Variants in MAP2K5 observed in about 807,000 individuals in gnomAD.
The protein encoded by MAP2K5 is dual specificity mitogen-activated protein kinase kinase 5.
In MAP2K5, 49 loss-of-function variants were observed where a neutral mutation model predicts 83.1. That is an observed-to-expected ratio of 0.59 (90% CI 0.47 to 0.75). MAP2K5 has a LOEUF of 0.75. Among genes scored for constraint, MAP2K5 ranks in the 30% least tolerant of loss-of-function variants. MAP2K5 has a pLI of 0.00. For missense variants in MAP2K5, 457 were observed against 557.5 expected, an observed-to-expected ratio of 0.82 and a Z score of 1.82; for synonymous variants, 202 against 191.8, an observed-to-expected ratio of 1.05 and a Z score of -0.44.
intron 11 of MAP2K5, among the ~76,000 whole-genome samples, chr15:67,653,530 A>G (rs905494743): frequency 4.6e-5 from 7 of 152,116 alleles, no homozygotes; most frequent in Admixed American, 6.5e-5. Flanking sequence ...TCCTGACCTC[A>G]GGTGATCCAC....
Position 67,644,229 on chromosome 15 carries a change from G to C in MAP2K5, c.586-2002G>C, listed in dbSNP as rs920622987. ...GCCAACATGGTGAAACCCTGTCTGC[G>C]CTAAAAATAGAAAAATCAACCGGGT... On this transcript the variant is annotated intron_variant, in intron 9 of 21. Coordinates refer to ENST00000178640, the MANE Select transcript of MAP2K5 (RefSeq NM_145160.3). The surrounding 1 kb of genome is among the most constrained non-coding windows in gnomAD (Gnocchi z 4.6). Among the ~76,000 whole-genome samples, 2 of 151,926 alleles carry C rather than the reference G, an allele frequency of 1.3e-5. No individual in the cohort carries two copies. The highest frequency in any genetic ancestry group is 4.8e-5 in the African/African-American group (2 of 41,356).
At position 67,563,183 on chromosome 15, in the gene MAP2K5, G is replaced by C. The variant is rs976860000; in HGVS notation, c.185-100G>C. On this transcript the variant is annotated intron_variant, in intron 2 of 21. Transcript: ENST00000178640. This position sits in a 1 kb window ranked among gnomAD's most constrained non-coding sequence, Gnocchi z 4.5. ...ACATACCCCCAAAATGTGGTGTTGAGGGTTAGAATATCACATTGTAATAAA... is the reference window on the plus strand; with the variant it reads ...ACATACCCCCAAAATGTGGTGTTGACGGTTAGAATATCACATTGTAATAAA... 1.2e-5 allele frequency: 16 copies of C among 1,324,382 alleles called. No homozygotes were observed. The highest frequency in any genetic ancestry group is 1.6e-5 in the Non-Finnish European group (16 of 998,066). The allele number at this position is 1,324,382 out of a possible 1,614,324, so 82.0% of individuals were successfully genotyped here. A position where few individuals can be genotyped will look rare whatever the true frequency, so the allele number is the denominator to read the frequency against.
chr15:67,546,415 G>A (rs2084390028), intron 1 of MAP2K5: 1 of 172,242 alleles, frequency 5.8e-6, no homozygotes, highest in African/African-American at 2.4e-5. Context: ...TAGTCACCGA[G>A]TCAGCCATAA....
At position 67,774,055 on chromosome 15, in the gene MAP2K5, A is replaced by G. The variant is rs976051489; in HGVS notation, c.1242+1303A>G. 2.6e-5 allele frequency among the ~76,000 whole-genome samples: 4 copies of G among 152,166 alleles called. No individual in the cohort carries two copies. Among genetic ancestry groups the G allele is most frequent in the Non-Finnish European group, 5.9e-5 (4 of 68,028 alleles). ...CTGCAGATCACACATACGCCCATAA[A>G]TGTATATGGATGTATATGTTGGTAA... On this transcript the variant is annotated intron_variant, in intron 21 of 21. Transcript: ENST00000178640. The surrounding 1 kb of genome is among the most constrained non-coding windows in gnomAD (Gnocchi z 4.9).
At chr15:67,704,135 T>C (rs1221507388) in intron 16 of MAP2K5, among the ~76,000 whole-genome samples, 1 of 152,232 alleles carries the variant, frequency 6.6e-6, no homozygotes. Context: ...AAAATGCATG[T>C]AACTTATATT....
At chr15:67,629,952 A>T (rs1286802163) in intron 8 of MAP2K5, among the ~76,000 whole-genome samples, 1 of 152,166 alleles carries the variant, frequency 6.6e-6, no homozygotes, top group Non-Finnish European at 1.5e-5. Context: ...ATTTCATTTA[A>T]ACATAAAAGG....
At position 67,571,522 on chromosome 15, in the gene MAP2K5, C is replaced by G. The variant is rs553337235; in HGVS notation, c.252+8172C>G. ...CCTTGTTTTATGGTTTCTGTGTCACCCTATTGTTGCGAACATGTTTCTTCT... is the reference window on the plus strand; with the variant it reads ...CCTTGTTTTATGGTTTCTGTGTCACGCTATTGTTGCGAACATGTTTCTTCT... On this transcript the variant is annotated intron_variant, in intron 3 of 21. Coordinates refer to ENST00000178640, the MANE Select transcript of MAP2K5 (RefSeq NM_145160.3). Among the ~76,000 whole-genome samples the G allele has an allele frequency of 8.5e-5, 13 of 152,150 alleles. No homozygotes were observed. In the East Asian group the frequency reaches 2.5e-3, roughly 29 times the overall value.
rs745631922 is a variant in MAP2K5 at position 67,760,681 on chromosome 15, T to C, written c.1135-8921T>C. ...TTTGAATTGTCCATGAAGCCTGATG[T>C]ATTATTAATGAATTAATTTCTTGGT... On this transcript the variant is annotated intron_variant, in intron 19 of 21. Transcript: ENST00000178640. The surrounding 1 kb of genome is among the most constrained non-coding windows in gnomAD (Gnocchi z 4.1). Among the ~76,000 whole-genome samples the C allele has an allele frequency of 2.0e-5, 3 of 152,250 alleles. No homozygotes were observed. The highest frequency in any genetic ancestry group is 2.9e-5 in the Non-Finnish European group (2 of 68,044).
In MAP2K5 at chr15:67,661,312, C is replaced by G. The variant is rs181350021; in HGVS notation, c.798+2698C>G. 7.3e-4 allele frequency among the ~76,000 whole-genome samples: 111 copies of G among 152,218 alleles called. 1 individual carries two copies. In the East Asian group the frequency reaches 7.5e-3, roughly 10 times the overall value. On this transcript the variant is annotated intron_variant, in intron 12 of 21. Coordinates refer to ENST00000178640, the MANE Select transcript of MAP2K5 (RefSeq NM_145160.3). ...CCACCTAACACATTCTATTTTTCTT[C>G]TCATTTCTGAAGCAGTGACATTGTG...
chr15:67,601,021 A>G (rs2085647225), intron 8 of MAP2K5, among the ~76,000 whole-genome samples: 1 of 152,092 alleles, frequency 6.6e-6, no homozygotes, highest in Non-Finnish European at 1.5e-5. Context: ...CTGAAGTTTA[A>G]TGCATTTTTT....
At chr15:67,597,085 C>T (rs936865478) in intron 7 of MAP2K5, among the ~76,000 whole-genome samples, 8 of 151,150 alleles carry the variant, frequency 5.3e-5, no homozygotes, top group African/African-American at 1.5e-4. Context: ...AGGAGAATGG[C>T]GTGAACCCGG....
chr15:67,751,980 G>C (rs1187534517), intron 19 of MAP2K5, among the ~76,000 whole-genome samples: 2 of 152,086 alleles, frequency 1.3e-5, no homozygotes, highest in South Asian at 2.1e-4. Flanking sequence ...TGTTCTCTAT[G>C]GGCACTCCTC....
chr15:67,543,111 C>T lies in MAP2K5; in HGVS notation c.-225C>T. The T allele has an allele frequency of 1.8e-6, 1 of 570,244 alleles. No individual in the cohort carries two copies. Among genetic ancestry groups the T allele is most frequent in the South Asian group, 2.1e-5 (1 of 47,008 alleles). 35.3% of individuals were successfully genotyped at this position (570,244 alleles called of 1,614,324 possible). A position where few individuals can be genotyped will look rare whatever the true frequency, so the allele number is the denominator to read the frequency against. On this transcript the variant is annotated 5_prime_UTR_variant, in exon 1 of 22. Coordinates refer to ENST00000178640, the MANE Select transcript of MAP2K5 (RefSeq NM_145160.3). This position sits in a 1 kb window ranked among gnomAD's most constrained non-coding sequence, Gnocchi z 4.3. Reference sequence around the variant, plus strand: ...GGGCCTTTGCCCGCTTCCCGGTGCACCCTCCCCGGGAGACACCTCAGACCC... The same window carrying T: ...GGGCCTTTGCCCGCTTCCCGGTGCATCCTCCCCGGGAGACACCTCAGACCC...
chr15:67,722,650 T>G lies in MAP2K5; in HGVS notation c.1045-5266T>G, dbSNP rs763889747. On this transcript the variant is annotated intron_variant, in intron 16 of 21. Coordinates refer to ENST00000178640, the MANE Select transcript of MAP2K5 (RefSeq NM_145160.3). The surrounding 1 kb of genome is among the most constrained non-coding windows in gnomAD (Gnocchi z 4.2). ...TTTAAACTCTTTCTCTAGGACTGTGTAAATTGGTCTTGGGATGAAATCTCA... is the reference window on the plus strand; with the variant it reads ...TTTAAACTCTTTCTCTAGGACTGTGGAAATTGGTCTTGGGATGAAATCTCA... Among the ~76,000 whole-genome samples, 8 of 152,228 alleles carry G rather than the reference T, an allele frequency of 5.3e-5. No homozygotes were observed. The highest frequency in any genetic ancestry group is 8.8e-5 in the Non-Finnish European group (6 of 68,040).
chr15:67,646,575 A>T, intron 11 of MAP2K5, 106 bp downstream of exon 11: 1 of 579,302 alleles, frequency 1.7e-6, no homozygotes, highest in South Asian at 2.9e-5. Context: ...ATAATAAAAT[A>T]TGCTAATAAT....
intron 15 of MAP2K5, among the ~76,000 whole-genome samples, chr15:67,697,310 A>G (rs1378376114): frequency 6.6e-6 from 1 of 152,182 alleles, no homozygotes; most frequent in Non-Finnish European, 1.5e-5. Context: ...TCTTACATAT[A>G]TTAACTTTTA....
intron 3 of MAP2K5, among the ~76,000 whole-genome samples, chr15:67,576,265 C>T (rs942187223): frequency 1.4e-5 from 2 of 147,154 alleles, no homozygotes; most frequent in African/African-American, 2.5e-5. Flanking sequence ...TTAAACTGTG[C>T]TGTTTTGGAA....
chr15:67,578,899 G>A (rs377333477), intron 3 of MAP2K5, among the ~76,000 whole-genome samples: 17 of 152,300 alleles, frequency 1.1e-4, no homozygotes, highest in African/African-American at 4.1e-4. Flanking sequence ...TTGACCCCAA[G>A]CACCAGTTTT....
At position 67,646,390 on chromosome 15, in the gene MAP2K5, C is replaced by T. The variant is rs56254481; in HGVS notation, c.657C>T (p.Cys219=). 17,215 of 1,578,574 alleles carry T rather than the reference C, an allele frequency of 0.011. 130 individuals carry two copies. The highest frequency in any genetic ancestry group is 0.021 in the African/African-American group (1,550 of 74,136). ...IMSELEILYK[C]DSSYIIGFYG... is the part of the protein sequence containing the mutation. ...CTTTTGTCTTATTTTTGTTACAGTGCGATTCATCATATATCATTGGATTTT... is the reference window on the plus strand; with the variant it reads ...CTTTTGTCTTATTTTTGTTACAGTGTGATTCATCATATATCATTGGATTTT... Residue 219 remains cysteine, a splice_region_variant and synonymous_variant, in exon 11 of 22, where the codon TGC becomes TGT. Transcript: ENST00000178640.
Sources: gnomAD v4.1 joint callset for allele counts (sites outside exome capture counted in the v4.1 genomes callset) on GRCh38, gnomAD v4.1.1 for gene constraint, Gnocchi (gnomAD v3.1) non-coding constraint, MANE v1.5 for transcripts, NCBI Gene and HGNC (gene_info 2026-07-23, HGNC 2026-07-21) for gene names.